DLC1: variants seen among roughly 807,000 people sequenced by gnomAD.
DLC1 encodes the protein rho GTPase-activating protein 7.
A neutral mutation model predicts 140.3 loss-of-function variants in DLC1; 54 were observed. The observed-to-expected ratio is 0.38, with a 90% CI of 0.31 to 0.48. The LOEUF is 0.48. DLC1 is among the 20% of genes least tolerant of loss of function. The pLI is 0.96. For missense variants in DLC1, 2,536 were observed against 1,907.0 expected (o/e 1.33, Z -6.14); for synonymous variants, 986 against 728.1 (o/e 1.35, Z -5.70).
intron 4 of DLC1, among the ~76,000 whole-genome samples, chr8:13,327,180 A>G (rs1232185403): frequency 3.7e-5 from 4 of 107,938 alleles, no homozygotes; most frequent in Non-Finnish European, 5.3e-5. Flanking sequence ...TCCCCATGTT[A>G]GTCAGGATGG....
intron 4 of DLC1, among the ~76,000 whole-genome samples, chr8:13,378,955 A>T (rs189397610): frequency 2.0e-5 from 3 of 152,310 alleles, no homozygotes; most frequent in Middle Eastern, 3.4e-3. Context: ...TAAATATATA[A>T]TGTTAACAGT....
At chr8:13,120,535 C>T (rs1050718394) in intron 5 of DLC1, among the ~76,000 whole-genome samples, 6 of 151,480 alleles carry the variant, frequency 4.0e-5, no homozygotes, top group African/African-American at 1.5e-4. Flanking sequence ...TGTGATTTTC[C>T]CTTCAATGTA....
At chr8:13,419,551 C>G (rs9693039) in intron 2 of DLC1, among the ~76,000 whole-genome samples, 3,931 of 152,272 alleles carry the variant, frequency 0.026, 80 homozygotes, top group South Asian at 0.073. Flanking sequence ...CCTGGCATCC[C>G]AGGGATGAAG....
At chr8:13,479,837 AG>A (rs1563383498) in intron 2 of DLC1, among the ~76,000 whole-genome samples, 31 of 20,620 alleles carry the variant, frequency 1.5e-3, no homozygotes, top group Non-Finnish European at 3.4e-3. Flanking sequence ...AAGAAGAAGA[AG>A]AAGAAGAAGA....
At chr8:13,238,487 T>C (rs1829394925) in intron 5 of DLC1, among the ~76,000 whole-genome samples, 1 of 151,702 alleles carries the variant, frequency 6.6e-6, no homozygotes, top group South Asian at 2.1e-4. Flanking sequence ...CACTCCAGCC[T>C]GGGTGACAGA....
chr8:13,325,328 A>G (rs1833293198), intron 4 of DLC1, among the ~76,000 whole-genome samples: 1 of 152,186 alleles, frequency 6.6e-6, no homozygotes, highest in Non-Finnish European at 1.5e-5. Context: ...CACGGACGGC[A>G]AAAAGGGATA....
intron 2 of DLC1, among the ~76,000 whole-genome samples, chr8:13,463,484 C>T (rs892230596): frequency 8.5e-5 from 13 of 152,152 alleles, no homozygotes; most frequent in South Asian, 4.1e-4. Context: ...ATATTTCCTA[C>T]GGTGTTTTTC....
At position 13,282,599 on chromosome 8, in the gene DLC1, A is replaced by T. The variant is rs376334172; in HGVS notation, c.1348+22670T>A. Among the ~76,000 whole-genome samples the T allele has an allele frequency of 6.7e-4, 102 of 152,124 alleles. 1 individual carries two copies. The East Asian group carries it at 0.017, about 25-fold the overall frequency. The stretch of plus-strand genomic sequence containing the variant: ...ACTTCAGGGGGAAATAATTTCCTTT[A>T]TTTTGTTCTTCATTTTATTTTATTC... On this transcript the variant is annotated intron_variant, in intron 5 of 17. Coordinates refer to ENST00000276297, the MANE Select transcript of DLC1 (RefSeq NM_182643.3).
At chr8:13,291,975 A>T (rs541455831) in intron 5 of DLC1, among the ~76,000 whole-genome samples, 3 of 114,328 alleles carry the variant, frequency 2.6e-5, no homozygotes, top group Non-Finnish European at 5.3e-5. Context: ...ACAAACAAAA[A>T]ATGCAATGTT....
At chr8:13,144,931 A>G (rs117483796) in intron 5 of DLC1, among the ~76,000 whole-genome samples, 3,487 of 152,290 alleles carry the variant, frequency 0.023, 59 homozygotes, top group Non-Finnish European at 0.03. Context: ...ACTGATTGCT[A>G]TTGTTTTAAG....
At chr8:13,427,672 G>T (rs1001698715) in intron 2 of DLC1, among the ~76,000 whole-genome samples, 1 of 152,174 alleles carries the variant, frequency 6.6e-6, no homozygotes, top group Non-Finnish European at 1.5e-5. Context: ...GAATTACTCA[G>T]TCTTTTGTAC....
intron 4 of DLC1, among the ~76,000 whole-genome samples, chr8:13,355,106 A>G (rs1454693639): frequency 1.3e-5 from 1 of 74,176 alleles, no homozygotes; most frequent in Admixed American, 1.6e-4. Flanking sequence ...AGAGCACAAT[A>G]TATACCATAA....
chr8:13,096,398 T>C (rs534556281), intron 10 of DLC1, among the ~76,000 whole-genome samples: 1 of 152,222 alleles, frequency 6.6e-6, no homozygotes, highest in East Asian at 1.9e-4. Context: ...TTTTGAATGC[T>C]CACCAGCAGC....
chr8:13,353,120 G>T (rs1834751348), intron 4 of DLC1, among the ~76,000 whole-genome samples: 2 of 152,148 alleles, frequency 1.3e-5, no homozygotes, highest in Non-Finnish European at 2.9e-5. Context: ...TGGCTGAAAG[G>T]TGGCTATACG....
chr8:13,261,631 G>T (rs1457592423), intron 5 of DLC1, among the ~76,000 whole-genome samples: 1 of 152,150 alleles, frequency 6.6e-6, no homozygotes, highest in African/African-American at 2.4e-5. Context: ...GGCCCAGGGT[G>T]GTGGCAGTGA....
At chr8:13,278,205 C>T (rs927334083) in intron 5 of DLC1, among the ~76,000 whole-genome samples, 9 of 152,220 alleles carry the variant, frequency 5.9e-5, no homozygotes, top group African/African-American at 2.2e-4. Context: ...AGACAGACCT[C>T]CGTGCCTGCA....
chr8:13,538,575 G>C (rs1286759157), intron 1 of DLC1, among the ~76,000 whole-genome samples: 1 of 152,114 alleles, frequency 6.6e-6, no homozygotes, highest in Admixed American at 6.6e-5. Flanking sequence ...AGTTAAGTGA[G>C]GAGTTTACTC....
rs1554509370 is a variant in DLC1, at chr8:13,382,529, A to AG, written c.1314+11023_1314+11024insC. Among the ~76,000 whole-genome samples, 43 of 109,448 alleles carry AG rather than the reference A, an allele frequency of 3.9e-4. 4 individuals carry two copies. Among genetic ancestry groups the AG allele is most frequent in the East Asian group, 2.1e-3 (7 of 3,348 alleles). The allele number at this position is 109,448 out of a possible 152,430, so 71.8% of individuals were successfully genotyped here. A position where few individuals can be genotyped will look rare whatever the true frequency, so the allele number is the denominator to read the frequency against. ...TCAAAAAAAAAAAAAAAAAAAAAAA[A>AG]AAAGAAAGAGGAGACAGATAAGCTA... is the stretch of plus-strand genomic sequence containing the variant. On this transcript the variant is annotated intron_variant, in intron 4 of 17. Coordinates refer to ENST00000276297, the MANE Select transcript of DLC1 (RefSeq NM_182643.3).
chr8:13,255,203 T>C lies in DLC1; in HGVS notation c.1348+50066A>G, dbSNP rs570374199. On this transcript the variant is annotated intron_variant, in intron 5 of 17. Transcript: ENST00000276297. ...CCAGGCTGGTCTCGAACTCCTGACC[T>C]CAAGTGATCTGCCCACCTAGGCTTC... Among the ~76,000 whole-genome samples the C allele has an allele frequency of 4.6e-5, 7 of 152,228 alleles. No individual in the cohort carries two copies. In the South Asian group the frequency reaches 1.5e-3, roughly 32 times the overall value.
Sources: allele counts gnomAD v4.1 joint callset (sites outside exome capture counted in the v4.1 genomes callset), GRCh38; gene constraint gnomAD v4.1.1; transcripts MANE v1.5; gene names NCBI Gene and HGNC (gene_info 2026-07-23, HGNC 2026-07-21).